HYAL4: variants seen among roughly 807,000 people sequenced by gnomAD.
The protein encoded by HYAL4 is hyaluronidase-4.
In HYAL4, 37 loss-of-function variants were observed where a neutral mutation model predicts 35.2. The observed-to-expected ratio is 1.05, with a 90% CI of 0.81 to 1.38. HYAL4 has a LOEUF of 1.38. HYAL4 is among the 40% of genes most tolerant of loss of function. The pLI, the probability that HYAL4 is intolerant of heterozygous loss-of-function variation, is 0.00. For synonymous variants in HYAL4, 198 were observed against 203.2 expected, an observed-to-expected ratio of 0.97 and a Z score of 0.22; for missense variants, 572 against 572.4, an observed-to-expected ratio of 1.00 and a Z score of 0.01.
the HYAL4 span, among the ~76,000 whole-genome samples, chr7:123,823,765 A>G: frequency 6.7e-6 from 1 of 149,816 alleles, no homozygotes; most frequent in South Asian, 2.1e-4. Context: ...ACACACATAT[A>G]TTTATATATA....
At chr7:123,782,571 G>A in the HYAL4 span, among the ~76,000 whole-genome samples, 1 of 150,942 alleles carries the variant, frequency 6.6e-6, no homozygotes, top group African/African-American at 2.4e-5. Flanking sequence ...TGATTTTCCT[G>A]GCAGGATCCC....
At chr7:123,818,982 T>C in the HYAL4 span, among the ~76,000 whole-genome samples, 1 of 152,188 alleles carries the variant, frequency 6.6e-6, no homozygotes, top group Non-Finnish European at 1.5e-5. Context: ...AAGAATACAA[T>C]ATGTTGTCAT....
chr7:123,770,355 T>C, the HYAL4 span, among the ~76,000 whole-genome samples: 1 of 149,048 alleles, frequency 6.7e-6, no homozygotes, highest in South Asian at 2.1e-4. Flanking sequence ...GGCAGGAGAA[T>C]GGCGTGAACC....
the HYAL4 span, among the ~76,000 whole-genome samples, chr7:123,817,077 A>C: frequency 6.6e-6 from 1 of 152,188 alleles, no homozygotes; most frequent in East Asian, 1.9e-4. Context: ...TACTCATTGC[A>C]GTCTGTGAGC....
chr7:123,855,290 C>T (rs1219422988), intron 2 of HYAL4, among the ~76,000 whole-genome samples: 2 of 152,154 alleles, frequency 1.3e-5, no homozygotes, highest in Non-Finnish European at 2.9e-5. Flanking sequence ...GCATTTTCTT[C>T]ACAGTGTTGA....
At chr7:123,857,831 C>T (rs1192062913) in intron 2 of HYAL4, among the ~76,000 whole-genome samples, 1 of 151,940 alleles carries the variant, frequency 6.6e-6, no homozygotes, top group African/African-American at 2.4e-5. Flanking sequence ...TCAGTTGCAA[C>T]ATCAAGAACA....
At chr7:123,831,735 G>A (rs1018884566) in intron 1 of HYAL4, among the ~76,000 whole-genome samples, 9 of 152,084 alleles carry the variant, frequency 5.9e-5, no homozygotes, top group Admixed American at 2.0e-4. Flanking sequence ...CTCCCCATGC[G>A]TTTGTTGGGC....
At chr7:123,801,858 A>G in the HYAL4 span, among the ~76,000 whole-genome samples, 1 of 152,246 alleles carries the variant, frequency 6.6e-6, no homozygotes, top group Non-Finnish European at 1.5e-5. Context: ...CACGAGGGCA[A>G]CAGGTGTAAA....
At chr7:123,876,397 T>A (rs1240186218) in intron 4 of HYAL4, among the ~76,000 whole-genome samples, 1 of 152,218 alleles carries the variant, frequency 6.6e-6, no homozygotes, top group Non-Finnish European at 1.5e-5. Flanking sequence ...TTTCCTTTTA[T>A]ACCCATTAAC....
intron 1 of HYAL4, among the ~76,000 whole-genome samples, chr7:123,839,061 T>A (rs1449616710): frequency 6.6e-6 from 1 of 152,100 alleles, no homozygotes; most frequent in Non-Finnish European, 1.5e-5. Flanking sequence ...TAGGTATACA[T>A]GTGCCATGTT....
chr7:123,767,748 A>C, the HYAL4 span, among the ~76,000 whole-genome samples: 1 of 152,196 alleles, frequency 6.6e-6, no homozygotes, highest in Non-Finnish European at 1.5e-5. Flanking sequence ...GAGATGGGTC[A>C]GTTCCACCCA....
At chr7:123,857,733 C>CTTTCT (rs1198587826) in intron 2 of HYAL4, among the ~76,000 whole-genome samples, 4 of 144,182 alleles carry the variant, frequency 2.8e-5, no homozygotes, top group Admixed American at 2.1e-4. Context: ...TTCTTTCTTT[C>CTTTCT]AATAGAAACA....
the HYAL4 span, among the ~76,000 whole-genome samples, chr7:123,823,742 TATAC>T: frequency 0.045 from 6,490 of 144,298 alleles, 157 homozygotes; most frequent in Middle Eastern, 0.08. Flanking sequence ...TATATATATA[TATAC>T]ACACACACAC....
chr7:123,877,129 G>A lies in HYAL4; in HGVS notation c.1420G>A (p.Ala474Thr), dbSNP rs887236132. ...SLMTLCLLLL[A>T]SYRSIQL ...AATGACACTTTGTCTACTGCTTTTA[G>A]CAAGTTATCGAAGCATTCAGTTGTG... The change falls in exon 5 of 5, where the codon GCA (alanine) becomes ACA (threonine). Residue 474 changes from alanine to threonine, a missense_variant. Ala to Thr is a moderately conservative substitution (Grantham distance 58). Coordinates refer to ENST00000223026, the MANE Select transcript of HYAL4 (RefSeq NM_012269.3). 1 of 1,613,966 alleles carries A rather than the reference G, an allele frequency of 6.2e-7. No homozygotes were observed.
At chr7:123,818,430 T>C in the HYAL4 span, among the ~76,000 whole-genome samples, 4 of 152,202 alleles carry the variant, frequency 2.6e-5, no homozygotes, top group African/African-American at 9.6e-5. Flanking sequence ...TGATTCTCAT[T>C]CCCAAGAGTC....
chr7:123,847,260 T>C (rs1329274279), intron 1 of HYAL4, among the ~76,000 whole-genome samples: 1 of 152,324 alleles, frequency 6.6e-6, no homozygotes, highest in Non-Finnish European at 1.5e-5. Flanking sequence ...TTGTTTTCAG[T>C]CTTTGAGTCA....
intron 2 of HYAL4, among the ~76,000 whole-genome samples, chr7:123,851,218 T>G (rs997115459): frequency 1.3e-5 from 2 of 152,292 alleles, no homozygotes; most frequent in African/African-American, 4.8e-5. Flanking sequence ...TAATGATTAG[T>G]TAAATATTAC....
chr7:123,783,310 C>G, the HYAL4 span, among the ~76,000 whole-genome samples: 1 of 151,964 alleles, frequency 6.6e-6, no homozygotes, highest in Non-Finnish European at 1.5e-5. Context: ...GACTTTTTTC[C>G]CTAATTTTTA....
intron 3 of HYAL4, among the ~76,000 whole-genome samples, chr7:123,871,973 G>T (rs1806893537): frequency 6.6e-6 from 1 of 152,178 alleles, no homozygotes; most frequent in African/African-American, 2.4e-5. Context: ...ATAACCTGAT[G>T]CTGTGCTTTT....
Sources: gnomAD v4.1 joint callset for allele counts (sites outside exome capture counted in the v4.1 genomes callset) on GRCh38, gnomAD v4.1.1 for gene constraint, MANE v1.5 for transcripts, NCBI Gene and HGNC (gene_info 2026-07-23, HGNC 2026-07-21) for gene names.